The following MUSK variants were observed in gnomAD, a reference collection of about 807,000 sequenced individuals.
MUSK encodes muscle associated receptor tyrosine kinase, also known as muscle, skeletal receptor tyrosine-protein kinase.
A neutral mutation model predicts 88.7 loss-of-function variants in MUSK; 55 were observed. That is an observed-to-expected ratio of 0.62 (90% CI 0.50 to 0.78). The LOEUF (loss-of-function observed/expected upper bound fraction) is 0.78. Among genes scored for constraint, MUSK ranks in the 30% least tolerant of loss-of-function variants. The probability of loss-of-function intolerance (pLI) is 0.00; values close to 1 mark genes in which losing one functional copy is unlikely to be tolerated. For synonymous variants in MUSK, 387 were observed against 391.9 expected (o/e 0.99, Z 0.15); for missense variants, 1,015 against 1,074.3 (o/e 0.94, Z 0.77).
intron 3 of MUSK, among the ~76,000 whole-genome samples, chr9:110,689,950 A>ATATAATATATAAATATATATTTAAC: frequency 1.1e-5 from 1 of 90,448 alleles, no homozygotes. Flanking sequence ...ATATATTTAA[A>ATATAATATATAAATATATATTTAAC]TATAAATATA....
chr9:110,723,901 G>C (rs2076849534), intron 5 of MUSK, among the ~76,000 whole-genome samples: 2 of 151,842 alleles, frequency 1.3e-5, no homozygotes, highest in Admixed American at 6.6e-5. Context: ...CTTCTCTACT[G>C]CTCACACTCC....
intron 13 of MUSK, among the ~76,000 whole-genome samples, chr9:110,786,178 G>A (rs896119728): frequency 3.3e-5 from 5 of 151,122 alleles, no homozygotes; most frequent in African/African-American, 1.2e-4. Context: ...AGGCATGGTG[G>A]TGCACAACTG....
In MUSK at chr9:110,806,211, C is replaced by T. The variant is rs2078160187; in HGVS notation, c.*5223C>T. 6.6e-6 allele frequency among the ~76,000 whole-genome samples: 1 copy of T among 152,060 alleles called. No individual in the cohort carries two copies. The highest frequency in any genetic ancestry group is 1.5e-5 in the Non-Finnish European group (1 of 67,976). On this transcript the variant is annotated 3_prime_UTR_variant, in exon 15 of 15. Transcript: ENST00000374448. The stretch of plus-strand genomic sequence containing the variant: ...ATCAATTTTTTAAAAATATGCAGCA[C>T]TCTGACTCAAACTCCCTTTCTTTTT...
At chr9:110,776,803 T>G (rs771183610) in intron 11 of MUSK, 148 bp downstream of exon 11, 1 of 662,946 alleles carries the variant, frequency 1.5e-6, no homozygotes. Flanking sequence ...GGGTATAACA[T>G]GAGGGAAAAT....
At chr9:110,789,308 T>C (rs1203007352) in intron 14 of MUSK, among the ~76,000 whole-genome samples, 2 of 152,196 alleles carry the variant, frequency 1.3e-5, no homozygotes, top group South Asian at 2.1e-4. Flanking sequence ...AATGTGAAAG[T>C]AGAGCCAAAT....
In MUSK at chr9:110,691,084, C is replaced by T. The variant is rs1478367900; in HGVS notation, c.358+3816C>T. On this transcript the variant is annotated intron_variant, in intron 3 of 14. Transcript: ENST00000374448. ...TTCGCCAAGTTGGCCAGGCCAGTCT[C>T]AAACTCCTAACCTTGAGTAATCTGC... is the stretch of plus-strand genomic sequence containing the variant. Among the ~76,000 whole-genome samples, 5 of 151,754 alleles carry T rather than the reference C, an allele frequency of 3.3e-5. No homozygotes were observed. In the East Asian group the frequency reaches 9.7e-4, roughly 29 times the overall value.
intron 7 of MUSK, among the ~76,000 whole-genome samples, chr9:110,760,667 C>T (rs1361046052): frequency 4.6e-5 from 7 of 151,966 alleles, no homozygotes; most frequent in African/African-American, 1.2e-4. Context: ...ACACCAAACT[C>T]GCAAGTCACA....
chr9:110,768,058 G>T lies in MUSK; in HGVS notation c.1159G>T (p.Val387Leu), dbSNP rs770907001. The change falls in exon 9 of 15, where the codon GTG (valine) becomes TTG (leucine). Residue 387 changes from valine to leucine, a missense_variant. Coordinates refer to ENST00000374448, the MANE Select transcript of MUSK (RefSeq NM_005592.4). ...CTTCCAGGAGTGCAGTCCTGGAGTAGTGCCTACTCCTATTCCCATTTGCAG... is the reference window on the plus strand; with the variant it reads ...CTTCCAGGAGTGCAGTCCTGGAGTATTGCCTACTCCTATTCCCATTTGCAG... ...HIFQECSPGV[V>L]PTPIPICREY... The T allele has an allele frequency of 2.5e-6, 4 of 1,613,156 alleles. No individual in the cohort carries two copies. The highest frequency in any genetic ancestry group is 3.4e-6 in the Non-Finnish European group (4 of 1,179,310).
rs1300362118 is a variant in MUSK at position 110,744,454 on chromosome 9, C to T, written c.754-3187C>T. Among the ~76,000 whole-genome samples, 3 of 152,294 alleles carry T rather than the reference C, an allele frequency of 2.0e-5. No individual in the cohort carries two copies. In the East Asian group the frequency reaches 5.8e-4, roughly 29 times the overall value. ...CCGCATTAGTAATGTATTAATGATA[C>T]ATTAAGAAGTACTCCACAGGTCTAT... On this transcript the variant is annotated intron_variant, in intron 6 of 14. Transcript: ENST00000374448.
chr9:110,671,118 C>T (rs2075951513), intron 1 of MUSK, among the ~76,000 whole-genome samples: 1 of 152,070 alleles, frequency 6.6e-6, no homozygotes, highest in Non-Finnish European at 1.5e-5. Flanking sequence ...ACTACAGGTG[C>T]AAGCCACCAC....
At chr9:110,698,524 T>C (rs1006570116) in intron 5 of MUSK, among the ~76,000 whole-genome samples, 1 of 152,186 alleles carries the variant, frequency 6.6e-6, no homozygotes, top group African/African-American at 2.4e-5. Context: ...TATTTCCTTC[T>C]CATTCATATA....
intron 10 of MUSK, 138 bp downstream of exon 10, chr9:110,776,101 C>A: frequency 3.8e-6 from 3 of 782,596 alleles, no homozygotes; most frequent in East Asian, 2.5e-5. Flanking sequence ...TCCTTAGATA[C>A]CTACTAGCGG....
rs1480486363 is a variant in MUSK at position 110,805,727 on chromosome 9, A to G, written c.*4739A>G. The stretch of plus-strand genomic sequence containing the variant: ...TTTGTTAATATGTTCAATTGTATGA[A>G]TTTATTTCCTAATGTAGCGATATCC... On this transcript the variant is annotated 3_prime_UTR_variant, in exon 15 of 15. Transcript: ENST00000374448. Among the ~76,000 whole-genome samples the G allele has an allele frequency of 6.6e-6, 1 of 151,920 alleles. No homozygotes were observed.
chr9:110,689,369 T>C (rs1177578252), intron 3 of MUSK, among the ~76,000 whole-genome samples: 2 of 117,272 alleles, frequency 1.7e-5, no homozygotes, highest in African/African-American at 7.1e-5. Flanking sequence ...AATACATATT[T>C]ATATATATGT....
intron 2 of MUSK, among the ~76,000 whole-genome samples, chr9:110,686,297 C>T (rs545516279): frequency 6.6e-6 from 1 of 152,204 alleles, no homozygotes; most frequent in South Asian, 2.1e-4. Flanking sequence ...TACTTATTAT[C>T]ACACAGGGAC....
intron 6 of MUSK, among the ~76,000 whole-genome samples, chr9:110,737,392 G>T (rs2077043660): frequency 6.6e-6 from 1 of 151,682 alleles, no homozygotes. Context: ...TCTTTTTGAT[G>T]TCATTTTTCA....
At chr9:110,751,215 G>A (rs1248003160) in intron 7 of MUSK, among the ~76,000 whole-genome samples, 2 of 152,132 alleles carry the variant, frequency 1.3e-5, no homozygotes, top group Admixed American at 1.3e-4. Flanking sequence ...CTTCATTCCT[G>A]TCCTAGCCCA....
intron 5 of MUSK, among the ~76,000 whole-genome samples, chr9:110,712,932 A>G (rs1000212679): frequency 2.6e-5 from 4 of 152,226 alleles, no homozygotes; most frequent in African/African-American, 9.6e-5. Context: ...AAGTTTGTGT[A>G]GGGTTATATA....
chr9:110,726,813 T>C (rs562486272), intron 5 of MUSK, among the ~76,000 whole-genome samples: 2 of 152,144 alleles, frequency 1.3e-5, no homozygotes, highest in African/African-American at 2.4e-5. Context: ...GTTCTGGGGC[T>C]CTAGAAAGAT....
Sources: allele counts gnomAD v4.1 joint callset (sites outside exome capture counted in the v4.1 genomes callset), GRCh38; gene constraint gnomAD v4.1.1; transcripts MANE v1.5; gene names NCBI Gene and HGNC (gene_info 2026-07-23, HGNC 2026-07-21).